GANAB: variants seen among roughly 807,000 people sequenced by gnomAD.
GANAB encodes glucosidase II alpha subunit.
In GANAB, 35 loss-of-function variants were observed where a neutral mutation model predicts 129.9. The ratio of observed to expected loss-of-function variants is 0.27; its 90% CI spans 0.21 to 0.36. The LOEUF (loss-of-function observed/expected upper bound fraction) is 0.36, where lower values mean the gene tolerates loss of function less well. GANAB is among the 10% of genes least tolerant of loss of function. The probability of loss-of-function intolerance (pLI) is 1.00; values close to 1 mark genes in which losing one functional copy is unlikely to be tolerated. For missense variants in GANAB, 939 were observed against 1,221.0 expected, an observed-to-expected ratio of 0.77 and a Z score of 3.44; for synonymous variants, 482 against 451.8, an observed-to-expected ratio of 1.07 and a Z score of -0.85.
At chr11:62,632,768 G>C (rs1425576227) in intron 8 of GANAB, 23 bp from the exon 9 acceptor site, 2 of 1,601,956 alleles carry the variant, frequency 1.2e-6, no homozygotes, top group African/African-American at 2.7e-5. Context: ...AGACAGACTT[G>C]GGCTGCTAAC....
Position 62,628,636 on chromosome 11 carries a change from A to G in GANAB, c.2180+133T>C, listed in dbSNP as rs527900358. The G allele has an allele frequency of 8.4e-5, 75 of 896,918 alleles. No homozygotes were observed. The African/African-American group carries it at 1.2e-3, about 15-fold the overall frequency. 55.6% of individuals were successfully genotyped at this position (896,918 alleles called of 1,614,324 possible). On this transcript the variant is annotated intron_variant, in intron 17 of 23. Coordinates refer to ENST00000356638, the MANE Select transcript of GANAB (RefSeq NM_198334.3). ...ATTCATCTCCATTAAGCTCCCCTTC[A>G]CTCTTGACCTTAATGATTTTCCATC...
At chr11:62,641,972 G>A (rs886084181) in intron 1 of GANAB, among the ~76,000 whole-genome samples, 11 of 151,792 alleles carry the variant, frequency 7.2e-5, no homozygotes, top group Admixed American at 7.2e-4. Context: ...CGGGGTGGGC[G>A]GATCACAAGG....
At chr11:62,645,882 T>C (rs778132804) in intron 1 of GANAB, among the ~76,000 whole-genome samples, 1 of 152,156 alleles carries the variant, frequency 6.6e-6, no homozygotes, top group Non-Finnish European at 1.5e-5. Flanking sequence ...CTAGTAAACA[T>C]TTGTGGCACT....
chr11:62,627,214 A>T (rs1943434655), intron 18 of GANAB, 75 bp downstream of exon 18: 1 of 1,388,852 alleles, frequency 7.2e-7, no homozygotes, highest in Non-Finnish European at 1.0e-6. Flanking sequence ...CACCAGCTTC[A>T]CTAGTCCCTC....
Position 62,633,105 on chromosome 11 carries a change from G to T in GANAB, c.719-4C>A, listed in dbSNP as rs1443559419. 6.2e-7 allele frequency: 1 copy of T among 1,609,488 alleles called. No individual in the cohort carries two copies. The highest frequency in any genetic ancestry group is 8.5e-7 in the Non-Finnish European group (1 of 1,175,974). On this transcript the variant is annotated splice_region_variant and splice_polypyrimidine_tract_variant and intron_variant, in intron 7 of 23. Coordinates refer to ENST00000356638, the MANE Select transcript of GANAB (RefSeq NM_198334.3). ...TCCAAACCCACAGACATGGGGCCTGGAAGAAAAACAAACAAGCTTCAGAGC... is the reference window on the plus strand; with the variant it reads ...TCCAAACCCACAGACATGGGGCCTGTAAGAAAAACAAACAAGCTTCAGAGC...
chr11:62,634,684 C>A lies in GANAB; in HGVS notation c.560+137G>T, dbSNP rs1262098643. 9.4e-6 allele frequency: 7 copies of A among 741,396 alleles called. No homozygotes were observed. In the Admixed American group the frequency reaches 1.7e-4, roughly 18 times the overall value. 45.9% of individuals were successfully genotyped at this position (741,396 alleles called of 1,614,324 possible). ...ACCGCACCCGGGTCTGGTTCCTACC[C>A]TCCCTGACAGAGAGCTTCTCCCAGC... On this transcript the variant is annotated intron_variant, in intron 5 of 23. Coordinates refer to ENST00000356638, the MANE Select transcript of GANAB (RefSeq NM_198334.3).
In GANAB at chr11:62,633,174, A is replaced by G. The variant is rs888045983; in HGVS notation, c.718+10T>C. On this transcript the variant is annotated intron_variant, in intron 7 of 23. Transcript: ENST00000356638. ...CCTGCACCCCAGCCCAAGGAACCCG[A>G]GCCCCTCACCATACGGCTTGCTGTC... The G allele has an allele frequency of 3.1e-6, 5 of 1,612,488 alleles. No individual in the cohort carries two copies. Among genetic ancestry groups the G allele is most frequent in the Non-Finnish European group, 4.2e-6 (5 of 1,178,556 alleles).
intron 4 of GANAB, among the ~76,000 whole-genome samples, chr11:62,636,117 A>G (rs1415839387): frequency 1.3e-5 from 2 of 151,866 alleles, no homozygotes; most frequent in Non-Finnish European, 2.9e-5. Context: ...CAGGCACCCG[A>G]GTAGCTGGAA....
chr11:62,644,440 A>G (rs937827548), intron 1 of GANAB, among the ~76,000 whole-genome samples: 3 of 151,842 alleles, frequency 2.0e-5, no homozygotes, highest in Non-Finnish European at 2.9e-5. Context: ...GCAACACAGC[A>G]AGACCTCGTC....
chr11:62,635,003 G>C lies in GANAB; in HGVS notation c.381-3C>G. 6.2e-7 allele frequency: 1 copy of C among 1,605,134 alleles called. No homozygotes were observed. The highest frequency in any genetic ancestry group is 1.1e-5 in the South Asian group (1 of 90,768). On this transcript the variant is annotated splice_region_variant and splice_polypyrimidine_tract_variant and intron_variant, in intron 4 of 23. Transcript: ENST00000356638. ...CATCACGACCAGAGACAGAAAGCCT[G>C]GGAAACATATCAAAAGAAATATAAG...
At position 62,631,139 on chromosome 11, in the gene GANAB, C is replaced by G; in HGVS notation, c.1041G>C (p.Glu347Asp). 1 of 1,605,756 alleles carries G rather than the reference C, an allele frequency of 6.2e-7. No individual in the cohort carries two copies. Among genetic ancestry groups the G allele is most frequent in the Non-Finnish European group, 8.5e-7 (1 of 1,172,944 alleles). ...TCCAGCGAACATCTGTCTGTGGGGT[C>G]TCCCCAGAGCCCTGCAGGTAGTCCA... ...KMMDYLQGSG[E>D]TPQTDVRWMS... Residue 347 changes from glutamate to aspartate, a missense_variant, in exon 10 of 24, where the codon GAG (glutamate) becomes GAC (aspartate). Glu to Asp is a conservative substitution (Grantham distance 45, BLOSUM62 2). This residue lies in a region of GANAB where 220 missense variants were observed against 295.9 expected (regional missense o/e 0.74). Coordinates refer to ENST00000356638, the MANE Select transcript of GANAB (RefSeq NM_198334.3).
intron 19 of GANAB, 26 bp downstream of exon 19, chr11:62,627,022 C>A (rs1430642570): frequency 1.2e-6 from 2 of 1,602,582 alleles, no homozygotes; most frequent in South Asian, 2.2e-5. Flanking sequence ...CACCATCTTT[C>A]CCCACCATGC....
At position 62,626,654 on chromosome 11, in the gene GANAB, C is replaced by T. The variant is rs368589794; in HGVS notation, c.2428G>A (p.Val810Met). ...CGCCGCACTCGCATCCATCGAGGCA[C>T]GATTGTCCCTCCACGCTGGAACACA... The part of the protein sequence containing the change: ...IPVFQRGGTI[V>M]PRWMRVRRSS... The change falls in exon 21 of 24, where the codon GTG (valine) becomes ATG (methionine). Residue 810 changes from valine to methionine, a missense_variant. Transcript: ENST00000356638. 5.0e-6 allele frequency: 8 copies of T among 1,609,394 alleles called. No individual in the cohort carries two copies. Among genetic ancestry groups the T allele is most frequent in the Admixed American group, 1.7e-5 (1 of 59,640 alleles).
At chr11:62,634,729 G>A (rs1409281583) in intron 5 of GANAB, 92 bp downstream of exon 5, 8 of 1,065,554 alleles carry the variant, frequency 7.5e-6, no homozygotes, top group African/African-American at 1.6e-5. Flanking sequence ...CTACCTGGCT[G>A]TCCCACCACC....
chr11:62,638,906 A>T (rs1250018542), intron 4 of GANAB, 77 bp downstream of exon 4: 2 of 1,481,202 alleles, frequency 1.4e-6, no homozygotes, highest in Non-Finnish European at 1.9e-6. Flanking sequence ...TTGGGAAAGA[A>T]TATCAGCAAC....
intron 4 of GANAB, among the ~76,000 whole-genome samples, chr11:62,636,047 G>C (rs1333563003): frequency 1.3e-5 from 2 of 152,086 alleles, no homozygotes; most frequent in Non-Finnish European, 2.9e-5. Flanking sequence ...CTGGAGTGCA[G>C]TGGCACAATC....
chr11:62,625,184 C>T lies in GANAB; in HGVS notation c.*631G>A, dbSNP rs914719383. 2 of 454,232 alleles carry T rather than the reference C, an allele frequency of 4.4e-6. No individual in the cohort carries two copies. The highest frequency in any genetic ancestry group is 2.0e-5 in the African/African-American group (1 of 49,972). 28.1% of individuals were successfully genotyped at this position (454,232 alleles called of 1,614,324 possible). A position where few individuals can be genotyped will look rare whatever the true frequency, so the allele number is the denominator to read the frequency against. ...GGACAGAGGAGGTAGAACTGCCCCTCTAAGAATTGCAGCAGCTCTACAAGG... is the reference window on the plus strand; with the variant it reads ...GGACAGAGGAGGTAGAACTGCCCCTTTAAGAATTGCAGCAGCTCTACAAGG... On this transcript the variant is annotated 3_prime_UTR_variant, in exon 24 of 24. Transcript: ENST00000356638.
chr11:62,638,887 T>C (rs2134527874), intron 4 of GANAB, 96 bp downstream of exon 4: 1 of 1,236,950 alleles, frequency 8.1e-7, no homozygotes, highest in Non-Finnish European at 1.2e-6. Flanking sequence ...AGTTAACTAC[T>C]ACCTTATTTT....
chr11:62,638,592 AAGGAAGGAAGGAAGGAAG>A (rs1315603765), intron 4 of GANAB, among the ~76,000 whole-genome samples: 66 of 366 alleles, frequency 0.18, no homozygotes, highest in African/African-American at 0.29. Context: ...GGAAGGAAGG[AAGGAAGGAAGGAAGGAAG>A]GAAGGAAGGA....
Sources: gnomAD v4.1 joint callset for allele counts (sites outside exome capture counted in the v4.1 genomes callset) on GRCh38, gnomAD v4.1.1 for gene constraint, gnomAD v4.1.1 regional missense constraint, MANE v1.5 for transcripts, NCBI Gene and HGNC (gene_info 2026-07-23, HGNC 2026-07-21) for gene names.